KIRREL3: variants seen among roughly 807,000 people sequenced by gnomAD.
KIRREL3 encodes the protein kirre like nephrin family adhesion molecule 3, also known as kin of IRRE-like protein 3.
Under a neutral mutation model 89.7 loss-of-function variants are expected in KIRREL3, and 36 were observed. The observed-to-expected ratio is 0.40, with a 90% confidence interval of 0.31 to 0.53. KIRREL3 has a LOEUF of 0.53. Ranked by LOEUF, KIRREL3 falls within the 20% of genes least tolerant of loss-of-function variation. KIRREL3 has a pLI of 0.49. For synonymous variants in KIRREL3, 445 were observed against 441.4 expected (o/e 1.01, Z -0.10); for missense variants, 864 against 1,056.6 (o/e 0.82, Z 2.53).
chr11:126,860,253 A>G lies in KIRREL3; in HGVS notation c.55+140202T>C, dbSNP rs904724985. On this transcript the variant is annotated intron_variant, in intron 1 of 16. Transcript: ENST00000525144. The surrounding 1 kb of genome is among the most constrained non-coding windows in gnomAD (Gnocchi z 4.6). ...ATAAGTTCTCCAACACCACACTGTG[A>G]GCTCCCAGAGGGTAGGAACTGACAC... 3.3e-5 allele frequency among the ~76,000 whole-genome samples: 5 copies of G among 152,190 alleles called. No individual in the cohort carries two copies. Among genetic ancestry groups the G allele is most frequent in the African/African-American group, 7.2e-5 (3 of 41,432 alleles).
At chr11:126,815,629 G>A (rs1951541955) in intron 1 of KIRREL3, among the ~76,000 whole-genome samples, 2 of 152,068 alleles carry the variant, frequency 1.3e-5, no homozygotes, top group Non-Finnish European at 2.9e-5. Flanking sequence ...CGCCTCCCAC[G>A]TTCACGCCAT....
rs1051413817 is a variant in KIRREL3, at chr11:126,783,648, C to T, written c.55+216807G>A. On this transcript the variant is annotated intron_variant, in intron 1 of 16. Transcript: ENST00000525144. This position sits in a 1 kb window ranked among gnomAD's most constrained non-coding sequence, Gnocchi z 4.3. ...AGTCCATACTGATGTAAATAGATGA[C>T]TGAAGGAATAAATACAGAAATAAAT... 2.0e-5 allele frequency among the ~76,000 whole-genome samples: 3 copies of T among 152,168 alleles called. No individual in the cohort carries two copies. Among genetic ancestry groups the T allele is most frequent in the African/African-American group, 4.8e-5 (2 of 41,426 alleles).
Position 126,564,383 on chromosome 11 carries a change from C to T in KIRREL3, c.56-1471G>A, listed in dbSNP as rs1940360464. ...ATAAGTCAAGCTCAGGGGCTCTTGC[C>T]CTAGAGAAAAACAAAACATGGCAGG... On this transcript the variant is annotated intron_variant, in intron 1 of 16. Transcript: ENST00000525144. This position sits in a 1 kb window ranked among gnomAD's most constrained non-coding sequence, Gnocchi z 7.4. Among the ~76,000 whole-genome samples, 1 of 152,090 alleles carries T rather than the reference C, an allele frequency of 6.6e-6. No homozygotes were observed. Among genetic ancestry groups the T allele is most frequent in the South Asian group, 2.1e-4 (1 of 4,818 alleles).
intron 1 of KIRREL3, among the ~76,000 whole-genome samples, chr11:126,852,309 C>T (rs1402050853): frequency 6.6e-6 from 1 of 152,198 alleles, no homozygotes; most frequent in Non-Finnish European, 1.5e-5. Flanking sequence ...ACCTCAGCCT[C>T]CCAAAGCACT....
At chr11:126,790,854 G>T (rs1950618110) in intron 1 of KIRREL3, among the ~76,000 whole-genome samples, 1 of 152,164 alleles carries the variant, frequency 6.6e-6, no homozygotes, top group Admixed American at 6.5e-5. Flanking sequence ...GCTGGGCTTT[G>T]CCACTGTCTC....
At chr11:126,749,747 A>G (rs1187987531) in intron 1 of KIRREL3, among the ~76,000 whole-genome samples, 6 of 152,178 alleles carry the variant, frequency 3.9e-5, no homozygotes, top group Non-Finnish European at 7.4e-5. Flanking sequence ...GAGGTGAGGA[A>G]GGTGAAAGTG....
chr11:126,855,836 C>A (rs1056401613), intron 1 of KIRREL3, among the ~76,000 whole-genome samples: 2 of 152,188 alleles, frequency 1.3e-5, no homozygotes, highest in African/African-American at 2.4e-5. Flanking sequence ...CATCTCTATG[C>A]CCTCTGGGCT....
At chr11:126,505,908 T>G (rs992006029) in intron 4 of KIRREL3, among the ~76,000 whole-genome samples, 3 of 152,220 alleles carry the variant, frequency 2.0e-5, no homozygotes, top group Admixed American at 2.0e-4. Flanking sequence ...ACGCAATTCC[T>G]ATCAAAATTC....
Position 126,486,145 on chromosome 11 carries a change from G to C in KIRREL3, c.434-12679C>G, listed in dbSNP as rs139371299. Among the ~76,000 whole-genome samples, 77 of 152,304 alleles carry C rather than the reference G, an allele frequency of 5.1e-4. 3 individuals are homozygous for C. Among genetic ancestry groups the C allele is most frequent in the African/African-American group, 1.8e-3 (76 of 41,546 alleles). On this transcript the variant is annotated intron_variant, in intron 4 of 16. Transcript: ENST00000525144. This position sits in a 1 kb window ranked among gnomAD's most constrained non-coding sequence, Gnocchi z 6.2. The stretch of plus-strand genomic sequence containing the variant: ...TATGCAGAGTGGAGGAAGGGAGGTG[G>C]GTAGAGAAGGGAGCTGCAGTGATTT...
intron 1 of KIRREL3, among the ~76,000 whole-genome samples, chr11:126,730,443 A>G (rs1432827555): frequency 1.3e-5 from 2 of 152,120 alleles, no homozygotes; most frequent in African/African-American, 4.8e-5. Flanking sequence ...GGTATCTTCA[A>G]CCTGTGCCCA....
chr11:126,426,952 G>A (rs1177588205), intron 15 of KIRREL3, among the ~76,000 whole-genome samples: 1 of 152,202 alleles, frequency 6.6e-6, no homozygotes, highest in Non-Finnish European at 1.5e-5. Context: ...TTGGGGCCAG[G>A]AGGTGAAGGG....
At chr11:126,581,462 A>G (rs182061566) in intron 1 of KIRREL3, among the ~76,000 whole-genome samples, 1 of 152,272 alleles carries the variant, frequency 6.6e-6, no homozygotes, top group East Asian at 1.9e-4. Flanking sequence ...TCAGCCTCCC[A>G]AAGTGCTGGG....
rs557077940 is a variant in KIRREL3, at chr11:126,909,128, A to G, written c.55+91327T>C. On this transcript the variant is annotated intron_variant, in intron 1 of 16. Coordinates refer to ENST00000525144, the MANE Select transcript of KIRREL3 (RefSeq NM_032531.4). This position sits in a 1 kb window ranked among gnomAD's most constrained non-coding sequence, Gnocchi z 4.5. ...CAGGCGACACAGGGGGCCAACTGTA[A>G]TTGCAATCTGAATGACCACCATGAA... 6.6e-6 allele frequency among the ~76,000 whole-genome samples: 1 copy of G among 152,244 alleles called. No homozygotes were observed. The highest frequency in any genetic ancestry group is 2.1e-4 in the South Asian group (1 of 4,804).
intron 1 of KIRREL3, among the ~76,000 whole-genome samples, chr11:126,716,659 G>A (rs1947972882): frequency 7.1e-6 from 1 of 141,542 alleles, no homozygotes; most frequent in Non-Finnish European, 1.5e-5. Context: ...TATCACCCTG[G>A]AAGAAACAGC....
intron 1 of KIRREL3, among the ~76,000 whole-genome samples, chr11:126,790,300 A>G (rs1950598958): frequency 6.6e-6 from 1 of 152,226 alleles, no homozygotes; most frequent in Non-Finnish European, 1.5e-5. Context: ...GAATGGATGG[A>G]TAAAGACTGG....
intron 1 of KIRREL3, among the ~76,000 whole-genome samples, chr11:126,626,568 A>T (rs1331366720): frequency 1.3e-5 from 2 of 152,206 alleles, no homozygotes; most frequent in Non-Finnish European, 2.9e-5. Flanking sequence ...TAGCAGGAGA[A>T]ACATGAGTAA....
chr11:126,529,633 C>T lies in KIRREL3; in HGVS notation c.134-2946G>A, dbSNP rs1958881310. The stretch of plus-strand genomic sequence containing the variant: ...AAAAAAAAAAAGACCTTCCTAGAGC[C>T]TCTCGCATTCTGTCTGCTTGATCCA... On this transcript the variant is annotated intron_variant, in intron 2 of 16. Coordinates refer to ENST00000525144, the MANE Select transcript of KIRREL3 (RefSeq NM_032531.4). Among the ~76,000 whole-genome samples the T allele has an allele frequency of 5.1e-5, 3 of 58,750 alleles. No individual in the cohort carries two copies. The South Asian group carries it at 2.6e-3, about 51-fold the overall frequency. 38.5% of individuals were successfully genotyped at this position (58,750 alleles called of 152,430 possible). A position where few individuals can be genotyped will look rare whatever the true frequency, so the allele number is the denominator to read the frequency against.
chr11:126,671,216 T>C (rs1447883978), intron 1 of KIRREL3, among the ~76,000 whole-genome samples: 2 of 150,656 alleles, frequency 1.3e-5, no homozygotes, highest in Non-Finnish European at 2.9e-5. Context: ...TGGCCTTAGA[T>C]TGGTGATGAG....
intron 5 of KIRREL3, among the ~76,000 whole-genome samples, chr11:126,473,062 G>GCC (rs61556320): frequency 0.022 from 36 of 1,642 alleles, no homozygotes; most frequent in Admixed American, 0.04. Flanking sequence ...CCTCTCCCCA[G>GCC]CCCCCACCAT....
Sources: allele counts gnomAD v4.1 joint callset (sites outside exome capture counted in the v4.1 genomes callset), GRCh38; gene constraint gnomAD v4.1.1; non-coding constraint Gnocchi (gnomAD v3.1); transcripts MANE v1.5; gene names NCBI Gene and HGNC (gene_info 2026-07-23, HGNC 2026-07-21).